Variants in AFF3 observed in about 807,000 individuals in gnomAD.
The protein encoded by AFF3 is AF4/FMR2 family member 3.
Under a neutral mutation model 129.7 loss-of-function variants are expected in AFF3, and 32 were observed. The observed-to-expected ratio is 0.25, with a 90% CI of 0.19 to 0.33. AFF3 has a LOEUF of 0.33. Ranked by LOEUF, AFF3 falls within the 10% of genes least tolerant of loss-of-function variation. The pLI, the probability that AFF3 is intolerant of heterozygous loss-of-function variation, is 1.00. For synonymous variants in AFF3, 644 were observed against 635.4 expected (o/e 1.01, Z -0.20); for missense variants, 1,373 against 1,592.0 (o/e 0.86, Z 2.34).
intron 7 of AFF3, among the ~76,000 whole-genome samples, chr2:99,986,085 C>T (rs1257374557): frequency 1.3e-5 from 2 of 151,732 alleles, no homozygotes; most frequent in East Asian, 3.9e-4. Flanking sequence ...CCTATAGTCC[C>T]AGCTATTCAG....
At chr2:99,660,601 T>C (rs1040809286) in intron 12 of AFF3, among the ~76,000 whole-genome samples, 5 of 152,238 alleles carry the variant, frequency 3.3e-5, no homozygotes, top group African/African-American at 1.2e-4. Context: ...ACAGTCTTCT[T>C]TGAAATGCCT....
intron 10 of AFF3, among the ~76,000 whole-genome samples, chr2:99,741,229 C>A (rs1054030390): frequency 6.6e-6 from 1 of 152,044 alleles, no homozygotes; most frequent in Non-Finnish European, 1.5e-5. Flanking sequence ...GGCAATTAGG[C>A]AGGAGAAGGA....
intron 11 of AFF3, among the ~76,000 whole-genome samples, chr2:99,691,655 A>G (rs887605572): frequency 1.3e-5 from 2 of 152,184 alleles, no homozygotes; most frequent in African/African-American, 4.8e-5. Context: ...TTTCTTCAAA[A>G]GAGTCTTAAG....
At chr2:99,975,882 AG>A (rs1165763863) in intron 7 of AFF3, among the ~76,000 whole-genome samples, 4 of 149,408 alleles carry the variant, frequency 2.7e-5, no homozygotes, top group African/African-American at 4.9e-5. Flanking sequence ...AAAAAAAAAA[AG>A]AAAAAAGAAA....
chr2:100,021,785 A>G lies in AFF3; in HGVS notation c.54-12853T>C, dbSNP rs191228940. Among the ~76,000 whole-genome samples, 327 of 152,366 alleles carry G rather than the reference A, an allele frequency of 2.1e-3. 1 individual carries two copies. The highest frequency in any genetic ancestry group is 0.011 in the South Asian group (52 of 4,828). On this transcript the variant is annotated intron_variant, in intron 4 of 24. Coordinates refer to ENST00000672756, the MANE Select transcript of AFF3 (RefSeq NM_001386135.1). ...GAAAAAAGTGGGGCTTAGAAAATTT[A>G]AACAGTTTGCAAAAGTCACACAATA...
intron 4 of AFF3, among the ~76,000 whole-genome samples, chr2:100,066,552 A>AT (rs1687731958): frequency 6.6e-6 from 1 of 152,192 alleles, no homozygotes; most frequent in Non-Finnish European, 1.5e-5. Context: ...TTGGCACATT[A>AT]TAGACATACA....
intron 2 of AFF3, chr2:100,107,353 A>G (rs1691348445): frequency 2.0e-6 from 2 of 985,326 alleles, no homozygotes; most frequent in Non-Finnish European, 2.4e-6. Flanking sequence ...GCAAACCAAA[A>G]CAAGCACTTA....
intron 11 of AFF3, among the ~76,000 whole-genome samples, chr2:99,694,277 A>G (rs553537025): frequency 6.6e-6 from 1 of 152,320 alleles, no homozygotes; most frequent in Admixed American, 6.5e-5. Flanking sequence ...GATTTTATGC[A>G]CATTAAGGTC....
chr2:100,005,850 A>G (rs751222347), intron 7 of AFF3, among the ~76,000 whole-genome samples: 15 of 152,144 alleles, frequency 9.9e-5, no homozygotes, highest in Admixed American at 2.0e-4. Context: ...TCAAATTAAG[A>G]TACAAAGAAT....
At chr2:99,816,406 T>C (rs1687236728) in intron 8 of AFF3, among the ~76,000 whole-genome samples, 1 of 152,200 alleles carries the variant, frequency 6.6e-6, no homozygotes, top group Non-Finnish European at 1.5e-5. Context: ...GTAAGTCTTG[T>C]AATTTTTTGT....
intron 7 of AFF3, among the ~76,000 whole-genome samples, chr2:100,005,908 G>GA (rs1681930659): frequency 2.0e-5 from 3 of 152,216 alleles, no homozygotes; most frequent in South Asian, 4.2e-4. Context: ...GTTAAAAAGA[G>GA]AAAAAACTGA....
intron 15 of AFF3, among the ~76,000 whole-genome samples, chr2:99,591,126 A>G (rs1678630489): frequency 6.6e-6 from 1 of 152,146 alleles, no homozygotes; most frequent in Non-Finnish European, 1.5e-5. Flanking sequence ...ATAGGGATAA[A>G]TTACTTAATG....
intron 7 of AFF3, among the ~76,000 whole-genome samples, chr2:99,922,287 AT>A (rs1487621718): frequency 2.0e-5 from 3 of 152,200 alleles, no homozygotes; most frequent in Non-Finnish European, 4.4e-5. Flanking sequence ...ATCCACATTC[AT>A]TTTATTCATA....
chr2:100,072,754 C>G (rs1688296215), intron 4 of AFF3, among the ~76,000 whole-genome samples: 1 of 152,194 alleles, frequency 6.6e-6, no homozygotes, highest in Non-Finnish European at 1.5e-5. Flanking sequence ...ATATCACAAA[C>G]ACTGACCTGT....
intron 8 of AFF3, among the ~76,000 whole-genome samples, chr2:99,787,380 C>T (rs1366329641): frequency 6.6e-6 from 1 of 152,108 alleles, no homozygotes; most frequent in East Asian, 1.9e-4. Flanking sequence ...CCACGTTAGG[C>T]ATCAAGACAG....
chr2:99,965,915 T>C (rs904620800), intron 7 of AFF3, among the ~76,000 whole-genome samples: 6 of 152,234 alleles, frequency 3.9e-5, no homozygotes, highest in Admixed American at 6.5e-5. Flanking sequence ...CTTTGTTCTT[T>C]GACTATATAT....
chr2:99,565,131 T>A (rs1675838926), intron 20 of AFF3, among the ~76,000 whole-genome samples: 1 of 152,164 alleles, frequency 6.6e-6, no homozygotes, highest in Non-Finnish European at 1.5e-5. Context: ...GAGCTAAGAT[T>A]TAGATGATAC....
chr2:99,973,205 C>T (rs1037493500), intron 7 of AFF3, among the ~76,000 whole-genome samples: 5 of 152,184 alleles, frequency 3.3e-5, no homozygotes, highest in Non-Finnish European at 7.4e-5. Context: ...TCTTCCTGTT[C>T]TCTAGACGCA....
At chr2:99,846,938 T>C (rs1021354524) in intron 7 of AFF3, among the ~76,000 whole-genome samples, 6 of 152,160 alleles carry the variant, frequency 3.9e-5, no homozygotes, top group Admixed American at 1.3e-4. Context: ...GCCATTTCTA[T>C]GTATGCTCTC....
Sources: gnomAD v4.1 joint callset for allele counts (sites outside exome capture counted in the v4.1 genomes callset) on GRCh38, gnomAD v4.1.1 for gene constraint, MANE v1.5 for transcripts, NCBI Gene and HGNC (gene_info 2026-07-23, HGNC 2026-07-21) for gene names.